EXOC4: variants seen among roughly 807,000 people sequenced by gnomAD.
EXOC4 encodes SEC8-like 1.
In EXOC4, 71 loss-of-function variants were observed where a neutral mutation model predicts 107.2. That is an observed-to-expected ratio of 0.66 (90% CI 0.55 to 0.81). The LOEUF (loss-of-function observed/expected upper bound fraction) is 0.81, where lower values mean the gene tolerates loss of function less well. Among genes scored for constraint, EXOC4 ranks in the 30% least tolerant of loss-of-function variants. EXOC4 has a pLI of 0.00. For synonymous variants in EXOC4, 456 were observed against 441.2 expected (o/e 1.03, Z -0.42); for missense variants, 1,108 against 1,189.6 (o/e 0.93, Z 1.01).
the EXOC4 span, among the ~76,000 whole-genome samples, chr7:134,083,030 G>A: frequency 3.0e-4 from 46 of 152,322 alleles, 1 homozygote; most frequent in African/African-American, 9.4e-4. Flanking sequence ...GAAGGAACTG[G>A]AAAAGGGTGG....
intron 3 of EXOC4, among the ~76,000 whole-genome samples, chr7:133,298,758 G>A (rs912872744): frequency 8.5e-5 from 13 of 152,162 alleles, no homozygotes; most frequent in African/African-American, 3.1e-4. Flanking sequence ...CTAGAACTAT[G>A]CATAGCTTAG....
chr7:133,513,170 T>C (rs1799807578), intron 9 of EXOC4, among the ~76,000 whole-genome samples: 1 of 152,086 alleles, frequency 6.6e-6, no homozygotes, highest in Non-Finnish European at 1.5e-5. Context: ...TTTTAAAAAT[T>C]TTTATTTTTA....
At chr7:133,706,058 T>A (rs2151091568) in intron 10 of EXOC4, among the ~76,000 whole-genome samples, 1 of 152,312 alleles carries the variant, frequency 6.6e-6, no homozygotes, top group East Asian at 1.9e-4. Flanking sequence ...AAATAATCTC[T>A]CTTAATTTTT....
At chr7:133,947,483 A>G (rs1248437864) in intron 14 of EXOC4, among the ~76,000 whole-genome samples, 1 of 152,202 alleles carries the variant, frequency 6.6e-6, no homozygotes, top group Non-Finnish European at 1.5e-5. Context: ...TGCTCATCTG[A>G]GAAGCCAGGG....
At position 133,854,451 on chromosome 7, in the gene EXOC4, T is replaced by C. The variant is rs796621796; in HGVS notation, c.1734+36907T>C. On this transcript the variant is annotated intron_variant, in intron 11 of 17. Coordinates refer to ENST00000253861, the MANE Select transcript of EXOC4 (RefSeq NM_021807.4). ...ACACACACACACACACACACACACA[T>C]ACATTTTAATCCTGTGCTTCACATG... is the stretch of plus-strand genomic sequence containing the variant. Among the ~76,000 whole-genome samples, 359 of 100,488 alleles carry C rather than the reference T, an allele frequency of 3.6e-3. 2 individuals carry two copies. The highest frequency in any genetic ancestry group is 9.6e-3 in the African/African-American group (258 of 26,862). The allele number at this position is 100,488 out of a possible 152,430, so 65.9% of individuals were successfully genotyped here.
At chr7:133,333,038 T>G (rs1795430127) in intron 5 of EXOC4, among the ~76,000 whole-genome samples, 1 of 152,248 alleles carries the variant, frequency 6.6e-6, no homozygotes, top group Non-Finnish European at 1.5e-5. Context: ...GGTATGATTA[T>G]TATTCTTGCC....
At chr7:133,835,423 C>T (rs958986813) in intron 11 of EXOC4, among the ~76,000 whole-genome samples, 3 of 152,036 alleles carry the variant, frequency 2.0e-5, no homozygotes, top group Admixed American at 6.5e-5. Flanking sequence ...TGGGACAGTT[C>T]GAAGTGGGAC....
chr7:133,488,939 ATCTC>A (rs1225468429), intron 9 of EXOC4, among the ~76,000 whole-genome samples: 1 of 149,380 alleles, frequency 6.7e-6, no homozygotes, highest in African/African-American at 2.4e-5. Flanking sequence ...TATATATAAA[ATCTC>A]TATATAAAGT....
At chr7:133,544,144 A>C (rs1393766649) in intron 9 of EXOC4, among the ~76,000 whole-genome samples, 1 of 152,160 alleles carries the variant, frequency 6.6e-6, no homozygotes, top group Non-Finnish European at 1.5e-5. Context: ...TTTTCTAAAC[A>C]GAACAAAGAT....
intron 10 of EXOC4, among the ~76,000 whole-genome samples, chr7:133,726,769 C>G (rs150398731): frequency 0.011 from 1,701 of 152,288 alleles, 12 homozygotes; most frequent in Non-Finnish European, 0.019. Context: ...TGTCATGGCT[C>G]TACTGACATG....
chr7:133,486,949 A>G (rs1435035148), intron 9 of EXOC4, among the ~76,000 whole-genome samples: 1 of 152,246 alleles, frequency 6.6e-6, no homozygotes, highest in African/African-American at 2.4e-5. Flanking sequence ...AAATAAAAAT[A>G]TTCTTATGCC....
At chr7:134,060,406 A>ATTGTAGGCTATG (rs1796029003) in intron 17 of EXOC4, among the ~76,000 whole-genome samples, 3 of 152,338 alleles carry the variant, frequency 2.0e-5, no homozygotes, top group African/African-American at 7.2e-5. Flanking sequence ...GAAGGGCTAC[A>ATTGTAGGCTATG]AACCATGAGC....
At chr7:133,847,786 G>A (rs1798161887) in intron 11 of EXOC4, among the ~76,000 whole-genome samples, 1 of 151,188 alleles carries the variant, frequency 6.6e-6, no homozygotes, top group Admixed American at 6.6e-5. Flanking sequence ...TCGGCTCACT[G>A]CAACCTTCTC....
At chr7:133,902,868 A>AC (rs1799485365) in intron 12 of EXOC4, among the ~76,000 whole-genome samples, 2 of 150,530 alleles carry the variant, frequency 1.3e-5, no homozygotes, top group South Asian at 4.2e-4. Flanking sequence ...AAACAAAACA[A>AC]AAAAAAAAAG....
At chr7:133,823,913 A>G (rs1313143551) in intron 11 of EXOC4, among the ~76,000 whole-genome samples, 1 of 49,180 alleles carries the variant, frequency 2.0e-5, no homozygotes, top group African/African-American at 1.2e-4. Flanking sequence ...ATATATATAA[A>G]TATATATATA....
At chr7:133,258,330 ATGG>A (rs1342977630) in intron 1 of EXOC4, among the ~76,000 whole-genome samples, 1 of 151,338 alleles carries the variant, frequency 6.6e-6, no homozygotes, top group Non-Finnish European at 1.5e-5. Context: ...TGTAGTATTG[ATGG>A]TGGTGGTATG....
chr7:133,436,059 T>TTG (rs1797965701), intron 7 of EXOC4, among the ~76,000 whole-genome samples: 3 of 146,604 alleles, frequency 2.0e-5, no homozygotes, highest in African/African-American at 8.0e-5. Context: ...TTTTTTTTTT[T>TTG]TTGTTTTTTT....
intron 9 of EXOC4, among the ~76,000 whole-genome samples, chr7:133,516,586 G>A (rs1251536411): frequency 6.6e-6 from 1 of 151,894 alleles, no homozygotes; most frequent in Non-Finnish European, 1.5e-5. Context: ...CTGTTGATGG[G>A]CATTTGTGTT....
At chr7:134,033,141 A>G (rs978031235) in intron 17 of EXOC4, among the ~76,000 whole-genome samples, 1 of 152,204 alleles carries the variant, frequency 6.6e-6, no homozygotes, top group African/African-American at 2.4e-5. Context: ...GGAATGTGCA[A>G]CGAGGACCTT....
Sources: allele counts gnomAD v4.1 joint callset (sites outside exome capture counted in the v4.1 genomes callset), GRCh38; gene constraint gnomAD v4.1.1; transcripts MANE v1.5; gene names NCBI Gene and HGNC (gene_info 2026-07-23, HGNC 2026-07-21).